SYNGR1: variants seen among roughly 807,000 people sequenced by gnomAD.
The protein encoded by SYNGR1 is synaptogyrin-1.
SYNGR1 carries 14 observed loss-of-function variants against 26.1 expected under a neutral mutation model. That is an observed-to-expected ratio of 0.54 (90% CI 0.35 to 0.84). The LOEUF (loss-of-function observed/expected upper bound fraction) is 0.84. Among genes scored for constraint, SYNGR1 ranks in the 40% least tolerant of loss-of-function variants. The pLI, the probability that SYNGR1 is intolerant of heterozygous loss-of-function variation, is 0.01. For synonymous variants in SYNGR1, 141 were observed against 150.1 expected, an observed-to-expected ratio of 0.94 and a Z score of 0.44; for missense variants, 319 against 332.9, an observed-to-expected ratio of 0.96 and a Z score of 0.33.
At chr22:39,377,520 G>T in intron 3 of SYNGR1, 2 of 1,571,472 alleles carry the variant, frequency 1.3e-6, no homozygotes, top group South Asian at 1.2e-5. Flanking sequence ...GTGCCTGCCC[G>T]GCCCCCTGAA....
At chr22:39,351,102 G>A (rs1194980469) in intron 1 of SYNGR1, among the ~76,000 whole-genome samples, 1 of 152,174 alleles carries the variant, frequency 6.6e-6, no homozygotes, top group Non-Finnish European at 1.5e-5. Context: ...GTCTGGAGAG[G>A]GGGTTTCTGG....
chr22:39,358,199 T>C lies in SYNGR1; in HGVS notation c.99+8090T>C, dbSNP rs960866667. Reference sequence around the variant, plus strand: ...GTATCTAGCTGCTCTGGTGGGGCCTTGGAGAACCTGTGTGTCCAAACTCTG... The same window carrying C: ...GTATCTAGCTGCTCTGGTGGGGCCTCGGAGAACCTGTGTGTCCAAACTCTG... On this transcript the variant is annotated intron_variant, in intron 1 of 3. Coordinates refer to ENST00000328933, the MANE Select transcript of SYNGR1 (RefSeq NM_004711.5). Among the ~76,000 whole-genome samples the C allele has an allele frequency of 6.2e-4, 95 of 152,282 alleles. 1 individual carries two copies. Among genetic ancestry groups the C allele is most frequent in the Non-Finnish European group, 3.2e-4 (22 of 68,014 alleles).
At chr22:39,369,567 G>GTCAGC (rs2066689196) in intron 1 of SYNGR1, among the ~76,000 whole-genome samples, 2 of 152,228 alleles carry the variant, frequency 1.3e-5, no homozygotes, top group Non-Finnish European at 1.5e-5. Flanking sequence ...GAGGCTGAGA[G>GTCAGC]TCAGCTTGGC....
At position 39,381,850 on chromosome 22, in the gene SYNGR1, C is replaced by G. The variant is rs770734119; in HGVS notation, c.638C>G (p.Thr213Ser). 6.2e-7 allele frequency: 1 copy of G among 1,612,834 alleles called. No individual in the cohort carries two copies. Among genetic ancestry groups the G allele is most frequent in the Admixed American group, 1.7e-5 (1 of 59,992 alleles). The change falls in exon 4 of 4, where the codon ACC becomes AGC. Residue 213 changes from threonine (T) to serine (S), a missense_variant. By Grantham distance (58) the Thr-to-Ser change is moderately conservative. Transcript: ENST00000328933. ...CCGGATCCCGCCGGTATGGGCGGCA[C>G]CTACCAGCAGCCGGCCAACACCTTC... is the stretch of plus-strand genomic sequence containing the variant. ...TGPDPAGMGG[T>S]YQQPANTFDT...
chr22:39,361,792 T>C (rs1473861872), intron 1 of SYNGR1, among the ~76,000 whole-genome samples: 3 of 151,970 alleles, frequency 2.0e-5, no homozygotes, highest in Non-Finnish European at 4.4e-5. Flanking sequence ...GGCTCTGCAG[T>C]GTTTGGTTGG....
intron 3 of SYNGR1, chr22:39,377,448 C>G: frequency 6.6e-7 from 1 of 1,510,404 alleles, no homozygotes; most frequent in Non-Finnish European, 8.8e-7. Flanking sequence ...AGTTTAGGGG[C>G]GGGGCTCACA....
intron 1 of SYNGR1, among the ~76,000 whole-genome samples, chr22:39,367,209 A>G (rs1924801884): frequency 6.6e-6 from 1 of 152,206 alleles, no homozygotes; most frequent in Non-Finnish European, 1.5e-5. Context: ...AGCCTCTTGC[A>G]CAGGGCTGGT....
chr22:39,377,438 A>G (rs1271428291), intron 3 of SYNGR1: 2 of 985,132 alleles, frequency 2.0e-6, no homozygotes, highest in Non-Finnish European at 2.4e-6. Flanking sequence ...TACAGGGAGG[A>G]GTTTAGGGGC....
At chr22:39,368,955 C>T (rs1316565047) in intron 1 of SYNGR1, among the ~76,000 whole-genome samples, 1 of 152,198 alleles carries the variant, frequency 6.6e-6, no homozygotes, top group East Asian at 1.9e-4. Context: ...CTCTAATTCT[C>T]CCATCTGCCC....
chr22:39,358,318 C>T (rs969256941), intron 1 of SYNGR1, among the ~76,000 whole-genome samples: 1 of 151,816 alleles, frequency 6.6e-6, no homozygotes, highest in Non-Finnish European at 1.5e-5. Context: ...ACAGGCCACT[C>T]GGCTCTACCA....
intron 3 of SYNGR1, chr22:39,377,646 CAGG>C: frequency 6.2e-7 from 1 of 1,614,042 alleles, no homozygotes; most frequent in Non-Finnish European, 8.5e-7. Context: ...CCTAAGCTTC[CAGG>C]AGGAGTACAG....
chr22:39,366,324 G>A (rs934222303), intron 1 of SYNGR1, among the ~76,000 whole-genome samples: 3 of 151,792 alleles, frequency 2.0e-5, no homozygotes, highest in Non-Finnish European at 4.4e-5. Context: ...CGTCGGCTGT[G>A]TCTGCAGATT....
intron 1 of SYNGR1, among the ~76,000 whole-genome samples, chr22:39,354,115 G>T (rs747564857): frequency 6.6e-6 from 1 of 152,176 alleles, no homozygotes; most frequent in Non-Finnish European, 1.5e-5. Flanking sequence ...ACCCGCCTCA[G>T]CCTCCCAAAG....
At chr22:39,358,733 G>C (rs1924308651) in intron 1 of SYNGR1, among the ~76,000 whole-genome samples, 1 of 152,164 alleles carries the variant, frequency 6.6e-6, no homozygotes, top group South Asian at 2.1e-4. Context: ...CTCACCGAGA[G>C]GGTCCGCGGC....
chr22:39,377,294 C>T (rs2145632430), intron 3 of SYNGR1: 4 of 985,402 alleles, frequency 4.1e-6, no homozygotes, highest in South Asian at 4.7e-5. Flanking sequence ...GGGGGAGACC[C>T]GTGGTTCAGG....
chr22:39,360,419 G>A (rs111930980), intron 1 of SYNGR1, among the ~76,000 whole-genome samples: 1 of 152,130 alleles, frequency 6.6e-6, no homozygotes, highest in East Asian at 1.9e-4. Flanking sequence ...GGGCTCTCTC[G>A]CCCCTCCTCG....
At chr22:39,355,948 G>A (rs1448922231) in intron 1 of SYNGR1, among the ~76,000 whole-genome samples, 2 of 152,224 alleles carry the variant, frequency 1.3e-5, no homozygotes, top group Non-Finnish European at 2.9e-5. Flanking sequence ...AAGCCCGAGA[G>A]GTGGAGGTTG....
At chr22:39,368,670 G>T (rs764752520) in intron 1 of SYNGR1, among the ~76,000 whole-genome samples, 4 of 152,128 alleles carry the variant, frequency 2.6e-5, no homozygotes. Context: ...CTCCTCTGCT[G>T]TCCCCAGGGC....
chr22:39,355,326 C>G (rs189139869), intron 1 of SYNGR1, among the ~76,000 whole-genome samples: 13 of 152,368 alleles, frequency 8.5e-5, no homozygotes, highest in Non-Finnish European at 1.8e-4. Context: ...CACGTCCAGC[C>G]TGTCCTCTCC....
Sources: allele counts gnomAD v4.1 joint callset (sites outside exome capture counted in the v4.1 genomes callset), GRCh38; gene constraint gnomAD v4.1.1; transcripts MANE v1.5; gene names NCBI Gene and HGNC (gene_info 2026-07-23, HGNC 2026-07-21).